Variants in C1orf159 observed in about 807,000 individuals in gnomAD.
C1orf159 encodes uncharacterized protein C1orf159.
In C1orf159, 19 loss-of-function variants were observed where a neutral mutation model predicts 25.6. The observed-to-expected ratio is 0.74, with a 90% CI of 0.52 to 1.09. The LOEUF (loss-of-function observed/expected upper bound fraction) is 1.09, where lower values mean the gene tolerates loss of function less well. Among genes scored for constraint, C1orf159 ranks in the 50% least tolerant of loss-of-function variants. The pLI is 0.00. For missense variants in C1orf159, 274 were observed against 290.6 expected (o/e 0.94, Z 0.42); for synonymous variants, 139 against 124.7 (o/e 1.12, Z -0.77).
In C1orf159 at chr1:1,093,037, CA is replaced by C. The variant is rs1339912282; in HGVS notation, c.-135-935del. Among the ~76,000 whole-genome samples, 60 of 142,214 alleles carry C rather than the reference CA, an allele frequency of 4.2e-4. 1 individual carries two copies. Among genetic ancestry groups the C allele is most frequent in the Non-Finnish European group, 4.9e-4 (32 of 64,728 alleles). The allele number at this position is 142,214 out of a possible 152,430, so 93.3% of individuals were successfully genotyped here. ...AGCCTGTGCAAGGGGAACTCCGTCT[CA>C]AAAAAAAAAAGCATGCTCTCCTCTG... On this transcript the variant is annotated intron_variant, in intron 1 of 9. Coordinates refer to ENST00000421241, the MANE Select transcript of C1orf159 (RefSeq NM_017891.5).
At chr1:1,109,071 G>A (rs1458539201) in intron 1 of C1orf159, among the ~76,000 whole-genome samples, 5 of 148,898 alleles carry the variant, frequency 3.4e-5, no homozygotes, top group African/African-American at 5.0e-5. Context: ...TCTCGGCACC[G>A]TTCACCACAG....
chr1:1,085,764 C>G, intron 7 of C1orf159, 114 bp downstream of exon 7: 1 of 1,359,696 alleles, frequency 7.4e-7, no homozygotes, highest in South Asian at 1.4e-5. Context: ...TGCTCCCTCC[C>G]GGCCTCTGCC....
chr1:1,084,183 C>T, intron 9 of C1orf159, 170 bp downstream of exon 9: 3 of 1,528,032 alleles, frequency 2.0e-6, no homozygotes, highest in South Asian at 1.3e-5. Flanking sequence ...CAGGGGGCAC[C>T]AGCCAAATCC....
intron 1 of C1orf159, among the ~76,000 whole-genome samples, chr1:1,108,366 TCAC>T (rs548829137): frequency 1.1e-5 from 1 of 92,472 alleles, no homozygotes; most frequent in Admixed American, 1.2e-4. Context: ...TTGGCACTGT[TCAC>T]CACAGCCACC....
At chr1:1,106,269 T>C (rs567140744) in intron 1 of C1orf159, 64 of 152,320 alleles carry the variant, frequency 4.2e-4, no homozygotes, top group African/African-American at 1.5e-3. Context: ...AATTAAAAAC[T>C]ATCGATTAAT....
intron 1 of C1orf159, among the ~76,000 whole-genome samples, chr1:1,094,618 T>A (rs1448946434): frequency 6.6e-6 from 1 of 152,172 alleles, no homozygotes; most frequent in Admixed American, 6.5e-5. Context: ...GCCAGGATGG[T>A]CTCGATCTCC....
At chr1:1,099,653 C>A (rs1413824548) in intron 1 of C1orf159, among the ~76,000 whole-genome samples, 598 of 146,322 alleles carry the variant, frequency 4.1e-3, no homozygotes, top group African/African-American at 0.012. Flanking sequence ...AAATCTCTGA[C>A]TATGATTGTG....
chr1:1,082,797 G>A lies in C1orf159; in HGVS notation c.*96C>T. On this transcript the variant is annotated 3_prime_UTR_variant, in exon 10 of 10. Coordinates refer to ENST00000421241, the MANE Select transcript of C1orf159 (RefSeq NM_017891.5). ...GAGGCTGTGCCCAGGACTGTCCCGGGCGCCGGGCGATGCCAACACTTTGTG... is the reference window on the plus strand; with the variant it reads ...GAGGCTGTGCCCAGGACTGTCCCGGACGCCGGGCGATGCCAACACTTTGTG... 8.7e-7 allele frequency: 1 copy of A among 1,147,958 alleles called. No individual in the cohort carries two copies. Among genetic ancestry groups the A allele is most frequent in the Non-Finnish European group, 1.3e-6 (1 of 783,350 alleles). 71.1% of individuals were successfully genotyped at this position (1,147,958 alleles called of 1,614,324 possible).
chr1:1,112,850 C>T (rs909706642), intron 1 of C1orf159, among the ~76,000 whole-genome samples: 11 of 152,248 alleles, frequency 7.2e-5, no homozygotes, highest in African/African-American at 2.7e-4. Flanking sequence ...AGGGTACTTC[C>T]TTTCCTTCCT....
chr1:1,082,996 G>T lies in C1orf159; in HGVS notation c.503-9C>A, dbSNP rs1382852821. The T allele has an allele frequency of 6.3e-7, 1 of 1,584,850 alleles. No homozygotes were observed. The highest frequency in any genetic ancestry group is 8.6e-7 in the Non-Finnish European group (1 of 1,164,640). ...GTAGCGCGGCTTCCGTACTGAAACGGGTCAGAGACAGGCGAGGTCAGAGTG... is the reference window on the plus strand; with the variant it reads ...GTAGCGCGGCTTCCGTACTGAAACGTGTCAGAGACAGGCGAGGTCAGAGTG... On this transcript the variant is annotated splice_polypyrimidine_tract_variant and intron_variant, in intron 9 of 9. Transcript: ENST00000421241.
chr1:1,084,563 C>CG, intron 7 of C1orf159, 57 bp from the exon 8 acceptor site: 1 of 1,545,390 alleles, frequency 6.5e-7, no homozygotes, highest in African/African-American at 1.4e-5. Flanking sequence ...TCAACCTCAG[C>CG]CCAGTGCAGC....
chr1:1,094,359 C>T (rs544154235), intron 1 of C1orf159, among the ~76,000 whole-genome samples: 1 of 152,198 alleles, frequency 6.6e-6, no homozygotes, highest in African/African-American at 2.4e-5. Context: ...TATTCTTCAT[C>T]AGACTTATGT....
chr1:1,086,241 G>A (rs554983596), intron 6 of C1orf159, among the ~76,000 whole-genome samples: 14 of 152,262 alleles, frequency 9.2e-5, no homozygotes, highest in African/African-American at 1.9e-4. Context: ...CACCTGCCCC[G>A]GCCTCAGCTT....
At chr1:1,084,720 G>A (rs1479221825) in intron 7 of C1orf159, among the ~76,000 whole-genome samples, 1 of 152,094 alleles carries the variant, frequency 6.6e-6, no homozygotes, top group Non-Finnish European at 1.5e-5. Context: ...ATTCCTCCGG[G>A]GCACTCACAG....
At chr1:1,090,809 TTTCAGGGGACGAA>T in intron 3 of C1orf159, 1 of 1,355,796 alleles carries the variant, frequency 7.4e-7, no homozygotes, top group Non-Finnish European at 1.0e-6. Context: ...CTGGCTGGCA[TTTCAGGGGACGAA>T]TTCACGCCCA....
chr1:1,090,614 C>T (rs1645913950), intron 3 of C1orf159, 186 bp from the exon 4 acceptor site: 3 of 703,340 alleles, frequency 4.3e-6, no homozygotes, highest in Admixed American at 2.3e-5. Context: ...GCCTCACAGC[C>T]ACAGTGCACA....
Position 1,114,561 on chromosome 1 carries a change from G to T in C1orf159, c.-136+1499C>A, listed in dbSNP as rs113004690. Among the ~76,000 whole-genome samples the T allele has an allele frequency of 1.4e-3, 210 of 152,322 alleles. 1 individual carries two copies. The highest frequency in any genetic ancestry group is 4.8e-3 in the African/African-American group (200 of 41,556). On this transcript the variant is annotated intron_variant, in intron 1 of 9. Transcript: ENST00000421241. ...TGTGCACCCCAGGGCTGAGGTGACTGCGTGTGGAAACACCTGCCTGACTGG... is the reference window on the plus strand; with the variant it reads ...TGTGCACCCCAGGGCTGAGGTGACTTCGTGTGGAAACACCTGCCTGACTGG...
chr1:1,098,507 C>G (rs1372596497), intron 1 of C1orf159, among the ~76,000 whole-genome samples: 2 of 152,202 alleles, frequency 1.3e-5, no homozygotes, highest in African/African-American at 2.4e-5. Flanking sequence ...CCTCTGTGCT[C>G]AGAAAGCATA....
chr1:1,083,913 AC>A, intron 9 of C1orf159: 1 of 1,575,918 alleles, frequency 6.3e-7, no homozygotes, highest in Non-Finnish European at 8.6e-7. Flanking sequence ...ATGGGTCCTA[AC>A]CGGGCTGACT....
Sources: allele counts gnomAD v4.1 joint callset (sites outside exome capture counted in the v4.1 genomes callset), GRCh38; gene constraint gnomAD v4.1.1; transcripts MANE v1.5; gene names NCBI Gene and HGNC (gene_info 2026-07-23, HGNC 2026-07-21).